RBFOX1: variants seen among roughly 807,000 people sequenced by gnomAD.
RBFOX1 encodes RNA binding protein fox-1 homolog 1.
Under a neutral mutation model 57.7 loss-of-function variants are expected in RBFOX1, and 8 were observed. The ratio of observed to expected loss-of-function variants is 0.14; its 90% confidence interval spans 0.08 to 0.25. The LOEUF (loss-of-function observed/expected upper bound fraction) is 0.25. Among genes scored for constraint, RBFOX1 ranks in the 10% least tolerant of loss-of-function variants. The pLI is 1.00. For missense variants in RBFOX1, 611 were observed against 548.5 expected (o/e 1.11, Z -1.14); for synonymous variants, 326 against 222.4 (o/e 1.47, Z -4.15).
chr16:7,699,037 A>C (rs1417609771), intron 14 of RBFOX1, among the ~76,000 whole-genome samples: 1 of 152,194 alleles, frequency 6.6e-6, no homozygotes, highest in Non-Finnish European at 1.5e-5. Context: ...ACTTGTTACA[A>C]ATGCAGAGCC....
At chr16:5,554,502 C>G (rs955899020) in intron 2 of RBFOX1, among the ~76,000 whole-genome samples, 1 of 151,906 alleles carries the variant, frequency 6.6e-6, no homozygotes, top group Non-Finnish European at 1.5e-5. Context: ...TGTATATTAA[C>G]ATTTTAATAA....
chr16:6,337,033 A>G (rs946470705), intron 2 of RBFOX1, among the ~76,000 whole-genome samples: 1 of 152,154 alleles, frequency 6.6e-6, no homozygotes, highest in Non-Finnish European at 1.5e-5. Context: ...TGAGGAAAGC[A>G]TTTTTCAATC....
At chr16:6,839,451 C>G (rs1338358730) in intron 3 of RBFOX1, among the ~76,000 whole-genome samples, 2 of 152,202 alleles carry the variant, frequency 1.3e-5, no homozygotes, top group East Asian at 3.9e-4. Context: ...TAACATGCTT[C>G]TGCTATCTGC....
At chr16:6,829,230 T>C (rs2092491443) in intron 3 of RBFOX1, among the ~76,000 whole-genome samples, 1 of 142,450 alleles carries the variant, frequency 7.0e-6, no homozygotes. Context: ...TAAAGGAAGT[T>C]AATGAAATGC....
chr16:5,395,368 G>A (rs964832266), intron 1 of RBFOX1, among the ~76,000 whole-genome samples: 1 of 152,206 alleles, frequency 6.6e-6, no homozygotes. Flanking sequence ...TCTGTTGTAG[G>A]TGAGGGAGAC....
chr16:5,737,833 TC>T (rs2052633659), intron 3 of RBFOX1, among the ~76,000 whole-genome samples: 1 of 152,168 alleles, frequency 6.6e-6, no homozygotes, highest in Non-Finnish European at 1.5e-5. Flanking sequence ...AAAATTTGTT[TC>T]TTTTTTTATT....
intron 4 of RBFOX1, among the ~76,000 whole-genome samples, chr16:7,350,379 A>C (rs2097106434): frequency 6.6e-6 from 1 of 152,150 alleles, no homozygotes; most frequent in Non-Finnish European, 1.5e-5. Flanking sequence ...ACAGTGGGTA[A>C]AGAGGGAGGA....
chr16:7,525,548 A>C (rs572519944), intron 5 of RBFOX1, among the ~76,000 whole-genome samples: 1 of 152,140 alleles, frequency 6.6e-6, no homozygotes, highest in Non-Finnish European at 1.5e-5. Context: ...AGAACCTAAG[A>C]AGGCCTGACA....
intron 1 of RBFOX1, among the ~76,000 whole-genome samples, chr16:6,132,398 C>T (rs943319766): frequency 3.3e-5 from 5 of 152,162 alleles, no homozygotes; most frequent in African/African-American, 7.2e-5. Flanking sequence ...ACCACAGATA[C>T]GGTTACCACA....
At chr16:5,485,795 G>A (rs957130057) in intron 2 of RBFOX1, among the ~76,000 whole-genome samples, 2 of 152,202 alleles carry the variant, frequency 1.3e-5, no homozygotes, top group African/African-American at 4.8e-5. Flanking sequence ...CTGTCTGGGA[G>A]CACAAGAACG....
At chr16:7,308,260 T>C (rs2096238178) in intron 4 of RBFOX1, among the ~76,000 whole-genome samples, 1 of 150,722 alleles carries the variant, frequency 6.6e-6, no homozygotes, top group Non-Finnish European at 1.5e-5. Flanking sequence ...AGATTCGTTT[T>C]CTGATGCAAA....
intron 2 of RBFOX1, among the ~76,000 whole-genome samples, chr16:6,453,886 A>G (rs1324559373): frequency 6.6e-6 from 1 of 152,366 alleles, no homozygotes; most frequent in Non-Finnish European, 1.5e-5. Context: ...TGAAGCTGCC[A>G]TAGTAAAATG....
chr16:7,419,943 TTAA>T (rs762510567), intron 4 of RBFOX1, among the ~76,000 whole-genome samples: 5 of 137,666 alleles, frequency 3.6e-5, no homozygotes, highest in African/African-American at 1.1e-4. Context: ...TTTTTTTTTT[TTAA>T]TTGTTTTGGT....
At chr16:5,686,772 A>C (rs1049497488) in intron 3 of RBFOX1, among the ~76,000 whole-genome samples, 1 of 152,160 alleles carries the variant, frequency 6.6e-6, no homozygotes, top group Non-Finnish European at 1.5e-5. Flanking sequence ...TATTTTTTCC[A>C]GTAGAAATTC....
At chr16:6,752,330 C>T (rs778273732) in intron 3 of RBFOX1, among the ~76,000 whole-genome samples, 4 of 152,030 alleles carry the variant, frequency 2.6e-5, no homozygotes, top group South Asian at 2.1e-4. Flanking sequence ...CATTATCAGA[C>T]GAAATACAAT....
In RBFOX1 at chr16:6,124,716, C is replaced by T. The variant is rs200693232; in HGVS notation, c.-127+104724C>T. Reference sequence around the variant, plus strand: ...TGTTTGTTTGTATTTTCAGTAGAGACGGGGTTTCACCATGTTGGCCAGGCT... The same window carrying T: ...TGTTTGTTTGTATTTTCAGTAGAGATGGGGTTTCACCATGTTGGCCAGGCT... On this transcript the variant is annotated intron_variant, in intron 1 of 15. Transcript: ENST00000550418. Among the ~76,000 whole-genome samples, 3 of 151,982 alleles carry T rather than the reference C, an allele frequency of 2.0e-5. No individual in the cohort carries two copies. In the East Asian group the frequency reaches 5.8e-4, roughly 29 times the overall value.
At chr16:6,351,378 T>TTCTTGAGGCAGAG (rs2086358736) in intron 2 of RBFOX1, among the ~76,000 whole-genome samples, 1 of 126,578 alleles carries the variant, frequency 7.9e-6, no homozygotes, top group African/African-American at 2.8e-5. Flanking sequence ...ATATATTTTT[T>TTCTTGAGGCAGAG]TTTTTTTTTC....
At chr16:6,655,907 C>T (rs556134316) in intron 3 of RBFOX1, among the ~76,000 whole-genome samples, 1 of 152,254 alleles carries the variant, frequency 6.6e-6, no homozygotes, top group East Asian at 1.9e-4. Context: ...CAAAAATTTG[C>T]TTTTAAATAA....
chr16:5,980,956 T>A (rs2060160097), intron 4 of RBFOX1, among the ~76,000 whole-genome samples: 1 of 152,162 alleles, frequency 6.6e-6, no homozygotes, highest in Non-Finnish European at 1.5e-5. Flanking sequence ...GGAAGTGATG[T>A]GGAGTTTCAG....
Sources: allele counts gnomAD v4.1 joint callset (sites outside exome capture counted in the v4.1 genomes callset), GRCh38; gene constraint gnomAD v4.1.1; transcripts MANE v1.5; gene names NCBI Gene and HGNC (gene_info 2026-07-23, HGNC 2026-07-21).